Variants in WT1 observed in about 807,000 individuals in gnomAD.
WT1 encodes WT1 transcription factor.
A neutral mutation model predicts 60.8 loss-of-function variants in WT1; 8 were observed. That is an observed-to-expected ratio of 0.13 (90% CI 0.08 to 0.24). The LOEUF is 0.24. WT1 is among the 10% of genes least tolerant of loss of function. WT1 has a pLI of 1.00. For synonymous variants in WT1, 312 were observed against 297.1 expected (o/e 1.05, Z -0.52); for missense variants, 568 against 711.8 (o/e 0.80, Z 2.30).
intron 7 of WT1, among the ~76,000 whole-genome samples, chr11:32,393,867 G>A (rs1851889030): frequency 1.3e-5 from 2 of 152,186 alleles, no homozygotes; most frequent in Admixed American, 6.5e-5. Context: ...CAATGGGTTG[G>A]AAAATCCTAA....
intron 1 of WT1, among the ~76,000 whole-genome samples, chr11:32,430,977 G>C (rs888483695): frequency 6.6e-6 from 1 of 152,210 alleles, no homozygotes; most frequent in African/African-American, 2.4e-5. Context: ...CGTGTTCAAA[G>C]GCTCCTTGTA....
intron 8 of WT1, 55 bp downstream of exon 8, chr11:32,392,611 T>C (rs1851849977): frequency 1.9e-6 from 3 of 1,547,204 alleles, no homozygotes; most frequent in Middle Eastern, 1.7e-4. Flanking sequence ...AATCATGAAA[T>C]CAACCCTAGC....
At chr11:32,415,200 A>G (rs1852626537) in intron 5 of WT1, among the ~76,000 whole-genome samples, 1 of 152,208 alleles carries the variant, frequency 6.6e-6, no homozygotes, top group African/African-American at 2.4e-5. Flanking sequence ...TTTGAAACTG[A>G]AATGTACTGC....
At chr11:32,411,395 G>T (rs1852494247) in intron 5 of WT1, among the ~76,000 whole-genome samples, 1 of 152,204 alleles carries the variant, frequency 6.6e-6, no homozygotes, top group Admixed American at 6.5e-5. Context: ...ACAACTTCGT[G>T]ATGGCCTATA....
chr11:32,395,689 T>C (rs1851948347), intron 7 of WT1, among the ~76,000 whole-genome samples: 1 of 152,076 alleles, frequency 6.6e-6, no homozygotes, highest in African/African-American at 2.4e-5. Context: ...CTCCAACTCC[T>C]GACCTTGGGT....
intron 4 of WT1, 193 bp downstream of exon 4, chr11:32,417,384 C>A: frequency 3.3e-6 from 2 of 601,184 alleles, no homozygotes; most frequent in Non-Finnish European, 5.9e-6. Flanking sequence ...AAACAACCCA[C>A]ATTTATGTTT....
intron 1 of WT1, 87 bp from the exon 2 acceptor site, chr11:32,428,706 G>GA: frequency 6.5e-7 from 1 of 1,545,114 alleles, no homozygotes; most frequent in Non-Finnish European, 8.7e-7. Context: ...GGCGGGGGGG[G>GA]TGTGCGCTGA....
At position 32,435,490 on chromosome 11, in the gene WT1, G is replaced by A; in HGVS notation, c.-130C>T. The A allele has an allele frequency of 7.1e-7, 1 of 1,407,944 alleles. No individual in the cohort carries two copies. The highest frequency in any genetic ancestry group is 1.4e-5 in the South Asian group (1 of 71,990). 87.2% of individuals were successfully genotyped at this position (1,407,944 alleles called of 1,614,324 possible). A position where few individuals can be genotyped will look rare whatever the true frequency, so the allele number is the denominator to read the frequency against. ...GGAGCGGACAGGCGGTCGGGTTGCG[G>A]AGAGCCCCCGGGTGTGGGCGCTGCC... On this transcript the variant is annotated 5_prime_UTR_variant, in exon 1 of 10. Coordinates refer to ENST00000452863, the MANE Select transcript of WT1 (RefSeq NM_024426.6).
intron 1 of WT1, among the ~76,000 whole-genome samples, chr11:32,431,988 TC>T (rs1853327960): frequency 6.6e-6 from 1 of 152,178 alleles, no homozygotes; most frequent in South Asian, 2.1e-4. Context: ...AAGGGGCCTC[TC>T]CAGGATTAGC....
At chr11:32,430,947 C>T in intron 1 of WT1, 2 of 824,170 alleles carry the variant, frequency 2.4e-6, no homozygotes, top group South Asian at 5.7e-5. Flanking sequence ...GGAGGTAAAG[C>T]TGCCGGCTGG....
chr11:32,404,268 CAAAAAAAA>C (rs61611336), intron 5 of WT1, among the ~76,000 whole-genome samples: 1 of 89,310 alleles, frequency 1.1e-5, no homozygotes, highest in African/African-American at 3.9e-5. Context: ...GACTCTGTCT[CAAAAAAAA>C]AAAAAAAAAA....
chr11:32,431,754 G>GCC (rs1853320353), intron 1 of WT1, among the ~76,000 whole-genome samples: 1 of 151,972 alleles, frequency 6.6e-6, no homozygotes, highest in Non-Finnish European at 1.5e-5. Context: ...CTTGCATCTA[G>GCC]TCTGGGGCTA....
intron 1 of WT1, among the ~76,000 whole-genome samples, chr11:32,429,676 C>T (rs1853204110): frequency 6.6e-6 from 1 of 152,118 alleles, no homozygotes; most frequent in African/African-American, 2.4e-5. Flanking sequence ...GTTCCGGAGT[C>T]TGTGGCCTGA....
At chr11:32,408,540 A>AAAG (rs1852396733) in intron 5 of WT1, among the ~76,000 whole-genome samples, 1 of 137,310 alleles carries the variant, frequency 7.3e-6, no homozygotes, top group African/African-American at 2.8e-5. Context: ...AAAAAAAAAA[A>AAAG]AAAGAAAGAA....
At chr11:32,430,484 G>GAGAGAGAGAGAC in intron 1 of WT1, 1 of 1,584,762 alleles carries the variant, frequency 6.3e-7, no homozygotes, top group Non-Finnish European at 8.6e-7. Flanking sequence ...GAGAGAGAGA[G>GAGAGAGAGAGAC]AGAGAGACGA....
chr11:32,405,761 G>A (rs1852290562), intron 5 of WT1, among the ~76,000 whole-genome samples: 1 of 152,120 alleles, frequency 6.6e-6, no homozygotes, highest in African/African-American at 2.4e-5. Flanking sequence ...TTAAACTGTT[G>A]CTTATGTAGT....
intron 5 of WT1, among the ~76,000 whole-genome samples, chr11:32,409,224 T>A (rs1852419315): frequency 6.6e-6 from 1 of 152,136 alleles, no homozygotes; most frequent in Non-Finnish European, 1.5e-5. Context: ...TTTTAAAAAG[T>A]AAAATTTAAA....
intron 7 of WT1, among the ~76,000 whole-genome samples, chr11:32,395,891 C>T (rs1418722228): frequency 6.6e-6 from 1 of 152,108 alleles, no homozygotes; most frequent in African/African-American, 2.4e-5. Context: ...TCACAATGAT[C>T]TTGCCCATCG....
intron 1 of WT1, among the ~76,000 whole-genome samples, chr11:32,432,396 AACCCAGAATCTCGAGGG>A (rs1251636142): frequency 1.3e-5 from 2 of 152,200 alleles, no homozygotes; most frequent in Admixed American, 1.3e-4. Flanking sequence ...CCAAAGAATA[AACCCAGAATCTCGAGGG>A]CCACCCTTGC....
Sources: gnomAD v4.1 joint callset for allele counts (sites outside exome capture counted in the v4.1 genomes callset) on GRCh38, gnomAD v4.1.1 for gene constraint, MANE v1.5 for transcripts, NCBI Gene and HGNC (gene_info 2026-07-23, HGNC 2026-07-21) for gene names.